HERC3: variants seen among roughly 807,000 people sequenced by gnomAD.
The protein encoded by HERC3 is probable E3 ubiquitin-protein ligase HERC3.
In HERC3, 58 loss-of-function variants were observed where a neutral mutation model predicts 129.9. The ratio of observed to expected loss-of-function variants is 0.45; its 90% CI spans 0.36 to 0.56. The LOEUF (loss-of-function observed/expected upper bound fraction) is 0.56. HERC3 is among the 20% of genes least tolerant of loss of function. HERC3 has a pLI of 0.00. For missense variants in HERC3, 835 were observed against 1,244.2 expected (o/e 0.67, Z 4.95); for synonymous variants, 430 against 451.0 (o/e 0.95, Z 0.59).
chr4:88,682,418 C>T (rs534730095), intron 21 of HERC3, among the ~76,000 whole-genome samples: 1 of 151,836 alleles, frequency 6.6e-6, no homozygotes, highest in African/African-American at 2.4e-5. Context: ...GTGTGCTGCA[C>T]CCATTAACTC....
rs371458669 is a variant in HERC3, at chr4:88,687,214, T to C, written c.2575-3T>C. The stretch of plus-strand genomic sequence containing the variant: ...ATATTTCTTTTTTCCACCTTAAATA[T>C]AGATCTGCCGAGAAAGCTATGGAGT... On this transcript the variant is annotated splice_region_variant and splice_polypyrimidine_tract_variant and intron_variant, in intron 22 of 25. Coordinates refer to ENST00000402738, the MANE Select transcript of HERC3 (RefSeq NM_014606.3). 1,029 of 1,605,886 alleles carry C rather than the reference T, an allele frequency of 6.4e-4. 2 individuals carry two copies. The highest frequency in any genetic ancestry group is 8.2e-4 in the Non-Finnish European group (958 of 1,174,342).
intron 11 of HERC3, among the ~76,000 whole-genome samples, chr4:88,662,893 T>G (rs1730640963): frequency 1.3e-5 from 2 of 152,248 alleles, no homozygotes; most frequent in South Asian, 4.1e-4. Context: ...AGTGTATGCA[T>G]GTTCCAAAAC....
At chr4:88,529,302 A>G in the HERC3 span, among the ~76,000 whole-genome samples, 1 of 152,140 alleles carries the variant, frequency 6.6e-6, no homozygotes, top group African/African-American at 2.4e-5. Flanking sequence ...CATTTCTACA[A>G]AAAATAAAAA....
the HERC3 span, among the ~76,000 whole-genome samples, chr4:88,558,772 G>A: frequency 6.6e-6 from 1 of 151,794 alleles, no homozygotes; most frequent in East Asian, 1.9e-4. Context: ...GACCATCCTG[G>A]CTAACATGGT....
At chr4:88,561,096 G>GGTTTT in the HERC3 span, among the ~76,000 whole-genome samples, 1 of 151,942 alleles carries the variant, frequency 6.6e-6, no homozygotes, top group African/African-American at 2.4e-5. Flanking sequence ...TGAATTTTAG[G>GGTTTT]GTTTTGTTTT....
the HERC3 span, among the ~76,000 whole-genome samples, chr4:88,536,648 A>T: frequency 1.3e-5 from 2 of 152,196 alleles, no homozygotes; most frequent in Non-Finnish European, 2.9e-5. Flanking sequence ...TGTAAAATGA[A>T]TGTAATATGT....
At chr4:88,665,935 C>T (rs1459452256) in intron 12 of HERC3, among the ~76,000 whole-genome samples, 40 of 152,182 alleles carry the variant, frequency 2.6e-4, no homozygotes, top group Admixed American at 2.6e-3. Flanking sequence ...CCCCAAAGGA[C>T]ATTTGGCAAT....
chr4:88,577,318 A>G, the HERC3 span, among the ~76,000 whole-genome samples: 2 of 152,148 alleles, frequency 1.3e-5, no homozygotes, highest in Non-Finnish European at 2.9e-5. Flanking sequence ...TCTAATAGCA[A>G]GTTTTTTATT....
At chr4:88,590,244 G>A (rs1054805136), upstream of HERC3, among the ~76,000 whole-genome samples, 1 of 151,456 alleles carries the variant, frequency 6.6e-6, no homozygotes, top group Non-Finnish European at 1.5e-5. Context: ...CTCCATCCCA[G>A]GCAACTGAGC....
intron 19 of HERC3, 129 bp downstream of exon 19, chr4:88,678,263 A>C: frequency 1.3e-6 from 1 of 749,242 alleles, no homozygotes. Flanking sequence ...CAAGAATTTA[A>C]TCACCTACTT....
At chr4:88,576,480 CT>C in the HERC3 span, among the ~76,000 whole-genome samples, 19 of 152,222 alleles carry the variant, frequency 1.2e-4, no homozygotes, top group Non-Finnish European at 2.1e-4. Context: ...ATGACAAGCT[CT>C]TTCCAGCCTC....
the HERC3 span, among the ~76,000 whole-genome samples, chr4:88,579,215 C>G: frequency 3.4e-5 from 4 of 117,812 alleles, no homozygotes; most frequent in African/African-American, 5.3e-5. Flanking sequence ...AACCCTGTCT[C>G]TACTAAAAAA....
intron 3 of HERC3, among the ~76,000 whole-genome samples, chr4:88,642,986 A>G (rs974322243): frequency 6.6e-6 from 1 of 152,134 alleles, no homozygotes; most frequent in Non-Finnish European, 1.5e-5. Flanking sequence ...TCTCAGAAAA[A>G]ATTCTTTCTA....
intron 3 of HERC3, among the ~76,000 whole-genome samples, chr4:88,620,738 GGC>G (rs1725423785): frequency 6.6e-6 from 1 of 151,864 alleles, no homozygotes; most frequent in African/African-American, 2.4e-5. Context: ...GCTCTTCCCT[GGC>G]ATACTCTGTT....
At chr4:88,669,769 C>A in intron 14 of HERC3, 91 bp from the exon 15 acceptor site, 1 of 1,130,276 alleles carries the variant, frequency 8.8e-7, no homozygotes, top group Non-Finnish European at 1.3e-6. Flanking sequence ...TGTTTATCTT[C>A]TAGACAAAGC....
chr4:88,551,944 C>CTA, the HERC3 span, among the ~76,000 whole-genome samples: 1 of 152,108 alleles, frequency 6.6e-6, no homozygotes, highest in Non-Finnish European at 1.5e-5. Flanking sequence ...CCATGGAATA[C>CTA]TATGCAGCCA....
chr4:88,670,094 T>C, intron 15 of HERC3, 45 bp from the exon 16 acceptor site: 1 of 1,597,110 alleles, frequency 6.3e-7, no homozygotes, highest in South Asian at 1.1e-5. Flanking sequence ...TGAGATGTTC[T>C]CTGGGAAGCC....
chr4:88,631,522 T>C (rs1057008578), intron 3 of HERC3, among the ~76,000 whole-genome samples: 1 of 152,200 alleles, frequency 6.6e-6, no homozygotes, highest in African/African-American at 2.4e-5. Flanking sequence ...GATTCTTTGG[T>C]TGAAAAGATT....
chr4:88,585,007 A>C, the HERC3 span, among the ~76,000 whole-genome samples: 1 of 152,208 alleles, frequency 6.6e-6, no homozygotes, highest in Non-Finnish European at 1.5e-5. Context: ...TATTTCTCAT[A>C]GTTCTGGAGG....
Sources: allele counts gnomAD v4.1 joint callset (sites outside exome capture counted in the v4.1 genomes callset), GRCh38; gene constraint gnomAD v4.1.1; transcripts MANE v1.5; gene names NCBI Gene and HGNC (gene_info 2026-07-23, HGNC 2026-07-21).